Variants in GLIS3 observed in about 807,000 individuals in gnomAD.
GLIS3 encodes GLIS family zinc finger 3, also known as zinc finger protein GLIS3.
In GLIS3, 53 loss-of-function variants were observed where a neutral mutation model predicts 78.6. The ratio of observed to expected loss-of-function variants is 0.67; its 90% CI spans 0.54 to 0.85. The LOEUF is 0.85. Among genes scored for constraint, GLIS3 ranks in the 40% least tolerant of loss-of-function variants. GLIS3 has a pLI of 0.00. For synonymous variants in GLIS3, 684 were observed against 509.9 expected (o/e 1.34, Z -4.60); for missense variants, 1,703 against 1,231.1 (o/e 1.38, Z -5.74).
intron 2 of GLIS3, among the ~76,000 whole-genome samples, chr9:4,229,966 G>A (rs956161103): frequency 6.6e-6 from 1 of 152,186 alleles, no homozygotes; most frequent in African/African-American, 2.4e-5. Flanking sequence ...GTAACACTAG[G>A]AAGAAAGTAA....
At chr9:4,189,388 T>A (rs929973490) in intron 2 of GLIS3, among the ~76,000 whole-genome samples, 1 of 152,230 alleles carries the variant, frequency 6.6e-6, no homozygotes, top group African/African-American at 2.4e-5. Flanking sequence ...TTCTTTTATA[T>A]GTGCTGAGGA....
At chr9:4,244,422 T>C (rs918187679) in intron 2 of GLIS3, among the ~76,000 whole-genome samples, 7 of 152,226 alleles carry the variant, frequency 4.6e-5, no homozygotes, top group African/African-American at 1.7e-4. Flanking sequence ...ATTTACATAA[T>C]TTAATTAAAT....
At chr9:3,830,283 A>G (rs1817970963) in intron 9 of GLIS3, among the ~76,000 whole-genome samples, 1 of 151,926 alleles carries the variant, frequency 6.6e-6, no homozygotes, top group African/African-American at 2.4e-5. Flanking sequence ...TCCTTTCATG[A>G]TGGCTTACTT....
rs1261619246 is a variant in GLIS3, at chr9:4,235,127, T to A, written c.388+50911A>T. ...TCCTGGCTAACCCGGTGAAACTCTG[T>A]CTCTACTAAAAATTTAAAAAAAATC... is the stretch of plus-strand genomic sequence containing the variant. On this transcript the variant is annotated intron_variant, in intron 2 of 10. Coordinates refer to ENST00000381971, the MANE Select transcript of GLIS3 (RefSeq NM_001042413.2). Among the ~76,000 whole-genome samples the A allele has an allele frequency of 3.3e-5, 5 of 151,874 alleles. No individual in the cohort carries two copies. The East Asian group carries it at 7.8e-4, about 24-fold the overall frequency.
At chr9:4,186,070 T>C (rs1240697977) in intron 2 of GLIS3, among the ~76,000 whole-genome samples, 1 of 152,014 alleles carries the variant, frequency 6.6e-6, no homozygotes, top group Non-Finnish European at 1.5e-5. Flanking sequence ...TACATATGTA[T>C]ACATGTGCCA....
intron 4 of GLIS3, among the ~76,000 whole-genome samples, chr9:3,943,188 T>G (rs1461692315): frequency 6.6e-6 from 1 of 152,210 alleles, no homozygotes; most frequent in Non-Finnish European, 1.5e-5. Context: ...TGCATTTACA[T>G]GCTCTAGCAA....
chr9:4,369,009 G>GA, the GLIS3 span, among the ~76,000 whole-genome samples: 29 of 152,214 alleles, frequency 1.9e-4, no homozygotes, highest in African/African-American at 7.0e-4. Context: ...CTTTTTTCCT[G>GA]AAAATTTTCT....
intron 2 of GLIS3, among the ~76,000 whole-genome samples, chr9:4,149,922 T>C (rs973270237): frequency 8.5e-5 from 13 of 152,230 alleles, no homozygotes; most frequent in African/African-American, 3.1e-4. Flanking sequence ...CTTGCATATA[T>C]CTTACTACAA....
At chr9:4,468,674 C>CA in the GLIS3 span, among the ~76,000 whole-genome samples, 1 of 152,072 alleles carries the variant, frequency 6.6e-6, no homozygotes, top group Non-Finnish European at 1.5e-5. Context: ...CCAGCCACTG[C>CA]AAAAAACATG....
intron 2 of GLIS3, among the ~76,000 whole-genome samples, chr9:4,229,667 T>C (rs1036990122): frequency 3.9e-5 from 6 of 152,232 alleles, no homozygotes; most frequent in African/African-American, 1.4e-4. Flanking sequence ...AGCTTTGATA[T>C]AAAAAGGTTT....
At chr9:3,869,573 C>G (rs1232064818) in intron 8 of GLIS3, among the ~76,000 whole-genome samples, 1 of 152,174 alleles carries the variant, frequency 6.6e-6, no homozygotes, top group Non-Finnish European at 1.5e-5. Context: ...GCAGGTTATA[C>G]AAGATGGGAA....
At chr9:4,187,111 G>C (rs1817877577) in intron 2 of GLIS3, among the ~76,000 whole-genome samples, 1 of 152,112 alleles carries the variant, frequency 6.6e-6, no homozygotes, top group Admixed American at 6.5e-5. Context: ...TTTTCTTCCA[G>C]GGTTTTTATG....
At chr9:4,465,651 C>T in the GLIS3 span, among the ~76,000 whole-genome samples, 32 of 152,278 alleles carry the variant, frequency 2.1e-4, no homozygotes, top group African/African-American at 7.0e-4. Context: ...CCCCATTCCC[C>T]ATGATGTGCT....
At chr9:4,403,707 C>T in the GLIS3 span, among the ~76,000 whole-genome samples, 1 of 151,366 alleles carries the variant, frequency 6.6e-6, no homozygotes. Context: ...AACCTCAAAA[C>T]AAAAACATAA....
chr9:4,199,311 G>A (rs568252952), intron 2 of GLIS3, among the ~76,000 whole-genome samples: 3 of 152,230 alleles, frequency 2.0e-5, no homozygotes, highest in African/African-American at 7.2e-5. Flanking sequence ...CTGTCTTCAA[G>A]AGACCCACCT....
the GLIS3 span, among the ~76,000 whole-genome samples, chr9:4,398,487 G>A: frequency 3.3e-5 from 5 of 151,922 alleles, no homozygotes; most frequent in African/African-American, 1.2e-4. Flanking sequence ...TGGGGTCGTG[G>A]ACATTGCATT....
At chr9:4,457,879 A>T in the GLIS3 span, among the ~76,000 whole-genome samples, 13 of 151,754 alleles carry the variant, frequency 8.6e-5, no homozygotes, top group African/African-American at 3.1e-4. Flanking sequence ...CAGAAACTGC[A>T]GTATGATACT....
chr9:4,101,520 A>C lies in GLIS3; in HGVS notation c.1710+16248T>G, dbSNP rs376399044. On this transcript the variant is annotated intron_variant, in intron 4 of 10. Transcript: ENST00000381971. ...AGTTGTTCTAAACAAAATATCCCAA[A>C]ACTCAGTCTAGATTCAAGTCTCCTG... Among the ~76,000 whole-genome samples the C allele has an allele frequency of 9.2e-5, 14 of 152,282 alleles. No individual in the cohort carries two copies. In the East Asian group the frequency reaches 2.5e-3, roughly 27 times the overall value.
the GLIS3 span, among the ~76,000 whole-genome samples, chr9:4,448,700 G>C: frequency 6.6e-6 from 1 of 152,326 alleles, no homozygotes; most frequent in African/African-American, 2.4e-5. Flanking sequence ...GAAATTCTAA[G>C]AGCCTGTGTG....
Sources: allele counts gnomAD v4.1 joint callset (sites outside exome capture counted in the v4.1 genomes callset), GRCh38; gene constraint gnomAD v4.1.1; transcripts MANE v1.5; gene names NCBI Gene and HGNC (gene_info 2026-07-23, HGNC 2026-07-21).